The following GUF1 variants were observed in gnomAD, a reference collection of about 807,000 sequenced individuals.
The protein encoded by GUF1 is translation factor GUF1, mitochondrial.
Under a neutral mutation model 82.4 loss-of-function variants are expected in GUF1, and 78 were observed. That is an observed-to-expected ratio of 0.95 (90% CI 0.79 to 1.14). GUF1 has a LOEUF of 1.14. GUF1 is among the 50% of genes most tolerant of loss of function. GUF1 has a pLI of 0.00. For missense variants in GUF1, 814 were observed against 798.2 expected, an observed-to-expected ratio of 1.02 and a Z score of -0.24; for synonymous variants, 279 against 282.3, an observed-to-expected ratio of 0.99 and a Z score of 0.12.
intron 4 of GUF1, 59 bp downstream of exon 4, chr4:44,681,262 GTT>G: frequency 8.1e-7 from 1 of 1,238,176 alleles, no homozygotes; most frequent in South Asian, 1.3e-5. Flanking sequence ...TGTTTCAAGA[GTT>G]TTTCTTTAAA....
intron 13 of GUF1, among the ~76,000 whole-genome samples, chr4:44,692,941 G>A (rs1715539476): frequency 1.3e-5 from 2 of 151,958 alleles, no homozygotes; most frequent in South Asian, 4.1e-4. Context: ...ACTACTTTCT[G>A]AATTATAAGT....
intron 7 of GUF1, 57 bp downstream of exon 7, chr4:44,686,080 C>G (rs1437395586): frequency 8.6e-7 from 1 of 1,168,240 alleles, no homozygotes; most frequent in African/African-American, 1.5e-5. Context: ...CAAAAACTGT[C>G]CATGTTTAAT....
Position 44,698,432 on chromosome 4 carries a change from T to G in GUF1, c.1873-112T>G, listed in dbSNP as rs989444832. The G allele has an allele frequency of 2.9e-5, 22 of 756,306 alleles. No individual in the cohort carries two copies. In the East Asian group the frequency reaches 5.3e-4, roughly 18 times the overall value. 46.8% of individuals were successfully genotyped at this position (756,306 alleles called of 1,614,324 possible). On this transcript the variant is annotated intron_variant, in intron 16 of 16. Transcript: ENST00000281543. Reference sequence around the variant, plus strand: ...TAGGAAGATTAGAGAGATGTCTGCCTTATGGATAATAATTTGGTATGGTTG... The same window carrying G: ...TAGGAAGATTAGAGAGATGTCTGCCGTATGGATAATAATTTGGTATGGTTG...
At chr4:44,685,744 T>C (rs1195024221) in intron 6 of GUF1, among the ~76,000 whole-genome samples, 1 of 152,090 alleles carries the variant, frequency 6.6e-6, no homozygotes, top group East Asian at 1.9e-4. Context: ...AGGACTCTCT[T>C]GTAATTCCAT....
chr4:44,685,936 AT>A, intron 6 of GUF1, 22 bp from the exon 7 acceptor site: 1 of 1,534,812 alleles, frequency 6.5e-7, no homozygotes. Context: ...AAATGCTTAT[AT>A]TTTTCACATG....
intron 9 of GUF1, 62 bp from the exon 10 acceptor site, chr4:44,689,224 T>G: frequency 7.2e-7 from 1 of 1,390,792 alleles, no homozygotes. Context: ...GCACTACACA[T>G]GTGGTTTGAT....
intron 14 of GUF1, among the ~76,000 whole-genome samples, chr4:44,695,206 T>G (rs542871222): frequency 6.6e-6 from 1 of 152,324 alleles, no homozygotes; most frequent in East Asian, 1.9e-4. Flanking sequence ...TTTTCAGCCA[T>G]TAAAACTTGT....
rs1716141869 is a variant in GUF1 at position 44,700,312 on chromosome 4, G to C, written c.*1631G>C. The C allele has an allele frequency of 6.6e-6, 1 of 152,128 alleles. No homozygotes were observed. The highest frequency in any genetic ancestry group is 2.4e-5 in the African/African-American group (1 of 41,434). 9.4% of individuals were successfully genotyped at this position (152,128 alleles called of 1,614,324 possible). A position where few individuals can be genotyped will look rare whatever the true frequency, so the allele number is the denominator to read the frequency against. On this transcript the variant is annotated 3_prime_UTR_variant, in exon 17 of 17. Transcript: ENST00000281543. ...GACAAAGAACTCAAAGTCTTCACAT[G>C]AAACAAATGCATAAATGATTGCTTT...
rs184228688 is a variant in GUF1, at chr4:44,690,402, T to C, written c.1336-315T>C. On this transcript the variant is annotated intron_variant, in intron 11 of 16. Transcript: ENST00000281543. ...ATCAGTGATGAAGACAGTATTGTAT[T>C]CCATGTAAGTGGCAATCTGTTCATT... 1.1e-4 allele frequency among the ~76,000 whole-genome samples: 16 copies of C among 151,938 alleles called. No homozygotes were observed. The East Asian group carries it at 2.1e-3, about 20-fold the overall frequency.
chr4:44,686,613 G>C lies in GUF1; in HGVS notation c.838G>C (p.Val280Leu), dbSNP rs908233382. 26 of 1,611,794 alleles carry C rather than the reference G, an allele frequency of 1.6e-5. No homozygotes were observed. The highest frequency in any genetic ancestry group is 2.0e-5 in the Non-Finnish European group (24 of 1,178,374). The change falls in exon 8 of 17, where the codon GTT (valine) becomes CTT (leucine). Residue 280 changes from valine to leucine, a missense_variant. Physicochemically the swap from Val to Leu is conservative, Grantham distance 32. Coordinates refer to ENST00000281543, the MANE Select transcript of GUF1 (RefSeq NM_021927.3). ...CAATGTAGCATTATTTGACGGAGTG[G>C]TTTCCAAAGGAGATAAAATTGTATC... The part of the protein sequence containing the change: ...IANVALFDGV[V>L]SKGDKIVSAH...
intron 1 of GUF1, among the ~76,000 whole-genome samples, chr4:44,679,530 T>G (rs1422473067): frequency 2.6e-5 from 4 of 152,196 alleles, no homozygotes; most frequent in Admixed American, 2.0e-4. Context: ...AAAAATGGAT[T>G]TATATTGCAA....
At position 44,682,873 on chromosome 4, in the gene GUF1, A is replaced by G. The variant is rs566037672; in HGVS notation, c.586-362A>G. 5.3e-5 allele frequency among the ~76,000 whole-genome samples: 8 copies of G among 152,232 alleles called. No individual in the cohort carries two copies. The South Asian group carries it at 1.7e-3, about 32-fold the overall frequency. On this transcript the variant is annotated intron_variant, in intron 5 of 16. Coordinates refer to ENST00000281543, the MANE Select transcript of GUF1 (RefSeq NM_021927.3). ...AATTATATTTCTTGATAATGGAGTT[A>G]AGTTTAAAAGAAGGCCATAGGTAAG...
chr4:44,680,923 G>T, intron 3 of GUF1, 81 bp downstream of exon 3: 1 of 1,279,416 alleles, frequency 7.8e-7, no homozygotes, highest in Non-Finnish European at 1.1e-6. Context: ...TTTAATTTTT[G>T]AACTGAGTAT....
At chr4:44,688,554 T>A (rs896382769) in intron 9 of GUF1, among the ~76,000 whole-genome samples, 1 of 151,954 alleles carries the variant, frequency 6.6e-6, no homozygotes. Flanking sequence ...AATGTAGATA[T>A]GACAGAATGG....
chr4:44,695,287 C>T (rs1715733721), intron 14 of GUF1, among the ~76,000 whole-genome samples: 1 of 152,012 alleles, frequency 6.6e-6, no homozygotes, highest in Admixed American at 6.6e-5. Flanking sequence ...AAACACTGAT[C>T]ATACAAAAAA....
At position 44,690,739 on chromosome 4, in the gene GUF1, C is replaced by T; in HGVS notation, c.1358C>T (p.Thr453Ile). ...LIKEHREKEI[T>I]IINPAQFPDK... ...TAGGAACATAGAGAAAAAGAAATTACAATTATCAATCCTGCACAATTCCCC... is the reference window on the plus strand; with the variant it reads ...TAGGAACATAGAGAAAAAGAAATTATAATTATCAATCCTGCACAATTCCCC... Residue 453 changes from threonine to isoleucine, a missense_variant, in exon 12 of 17, where the codon ACA becomes ATA. Transcript: ENST00000281543. 2 of 1,567,622 alleles carry T rather than the reference C, an allele frequency of 1.3e-6. No homozygotes were observed. Among genetic ancestry groups the T allele is most frequent in the Non-Finnish European group, 1.7e-6 (2 of 1,147,844 alleles).
intron 1 of GUF1, among the ~76,000 whole-genome samples, chr4:44,679,676 G>T (rs1305972921): frequency 6.6e-6 from 1 of 151,866 alleles, no homozygotes; most frequent in Non-Finnish European, 1.5e-5. Context: ...CTGTCTTTAT[G>T]GGGCTATTAA....
chr4:44,684,599 AG>A (rs1434038405), intron 6 of GUF1, among the ~76,000 whole-genome samples: 1 of 152,136 alleles, frequency 6.6e-6, no homozygotes, highest in Non-Finnish European at 1.5e-5. Flanking sequence ...CAGGGAATCC[AG>A]CTATTAATGG....
chr4:44,694,648 CTCT>C (rs1715674087), intron 14 of GUF1, 135 bp downstream of exon 14: 1 of 603,776 alleles, frequency 1.7e-6, no homozygotes, highest in African/African-American at 1.9e-5. Context: ...ACTTTGCTTT[CTCT>C]TTTTTTTCCA....
Sources: gnomAD v4.1 joint callset for allele counts (sites outside exome capture counted in the v4.1 genomes callset) on GRCh38, gnomAD v4.1.1 for gene constraint, MANE v1.5 for transcripts, NCBI Gene and HGNC (gene_info 2026-07-23, HGNC 2026-07-21) for gene names.